Variants in PPP5C observed in about 807,000 individuals in gnomAD.
The protein encoded by PPP5C is serine/threonine-protein phosphatase 5.
A neutral mutation model predicts 66.7 loss-of-function variants in PPP5C; 21 were observed. The ratio of observed to expected loss-of-function variants is 0.31; its 90% confidence interval spans 0.22 to 0.45. The LOEUF is 0.45. PPP5C is among the 20% of genes least tolerant of loss of function. The pLI is 1.00. For missense variants in PPP5C, 464 were observed against 675.9 expected (o/e 0.69, Z 3.48); for synonymous variants, 246 against 257.4 (o/e 0.96, Z 0.43).
intron 2 of PPP5C, among the ~76,000 whole-genome samples, chr19:46,364,734 C>A (rs935163152): frequency 8.5e-5 from 13 of 152,066 alleles, no homozygotes; most frequent in African/African-American, 3.1e-4. Context: ...GGTCTCCATT[C>A]GATTTGTCTG....
Position 46,376,394 on chromosome 19 carries a change from C to A in PPP5C, c.512-59C>A. 1 of 1,593,520 alleles carries A rather than the reference C, an allele frequency of 6.3e-7. No individual in the cohort carries two copies. Among genetic ancestry groups the A allele is most frequent in the Non-Finnish European group, 8.6e-7 (1 of 1,166,926 alleles). On this transcript the variant is annotated intron_variant, in intron 3 of 12. Transcript: ENST00000012443. The surrounding 1 kb of genome is among the most constrained non-coding windows in gnomAD (Gnocchi z 5.1). The stretch of plus-strand genomic sequence containing the variant: ...TTCCCCATCCCTGGGAGCGAGACCC[C>A]CTTCTCCCTCATAGTGGCTGTGGTC...
chr19:46,357,852 C>A (rs1233765541), intron 2 of PPP5C, among the ~76,000 whole-genome samples: 3 of 152,234 alleles, frequency 2.0e-5, no homozygotes, highest in Non-Finnish European at 4.4e-5. Flanking sequence ...TTCAGAAGCT[C>A]CCTGGACCCA....
intron 1 of PPP5C, among the ~76,000 whole-genome samples, chr19:46,350,447 C>A (rs1035346502): frequency 6.6e-6 from 1 of 152,252 alleles, no homozygotes; most frequent in Admixed American, 6.5e-5. Flanking sequence ...TGTTGCCCCC[C>A]AGGACCTGGG....
At chr19:46,390,207 CA>C (rs113518159) in intron 12 of PPP5C, 75 bp downstream of exon 12, 1 of 1,607,228 alleles carries the variant, frequency 6.2e-7, no homozygotes, top group Admixed American at 1.7e-5. Flanking sequence ...TGGTAAGGGG[CA>C]GGGGTAGGTT....
In PPP5C at chr19:46,383,724, C is replaced by G. The variant is rs1372588207; in HGVS notation, c.700-56C>G. On this transcript the variant is annotated intron_variant, in intron 5 of 12. Transcript: ENST00000012443. This position sits in a 1 kb window ranked among gnomAD's most constrained non-coding sequence, Gnocchi z 5.0. Reference sequence around the variant, plus strand: ...TCTTACCCTTCCCCTCACCTCTGCCCCCTCCCCACGTCTCTCTCTCGGCCC... The same window carrying G: ...TCTTACCCTTCCCCTCACCTCTGCCGCCTCCCCACGTCTCTCTCTCGGCCC... The G allele has an allele frequency of 1.4e-6, 2 of 1,414,180 alleles. No homozygotes were observed. Among genetic ancestry groups the G allele is most frequent in the Non-Finnish European group, 2.0e-6 (2 of 999,902 alleles). The allele number at this position is 1,414,180 out of a possible 1,614,324, so 87.6% of individuals were successfully genotyped here.
chr19:46,360,438 G>A (rs1972363993), intron 2 of PPP5C, among the ~76,000 whole-genome samples: 1 of 151,736 alleles, frequency 6.6e-6, no homozygotes, highest in Non-Finnish European at 1.5e-5. Context: ...GTTAGTTCGA[G>A]GTCAAAAAGA....
Position 46,390,728 on chromosome 19 carries a change from G to C in PPP5C, c.*382G>C, listed in dbSNP as rs1973007112. On this transcript the variant is annotated 3_prime_UTR_variant, in exon 13 of 13. Transcript: ENST00000012443. The stretch of plus-strand genomic sequence containing the variant: ...AGACCCCCAGAGAGAGGGTCAGCAG[G>C]GGGGCCCCGCCTGCGCCTCCCCTCC... 1.7e-6 allele frequency: 2 copies of C among 1,146,012 alleles called. No individual in the cohort carries two copies. Among genetic ancestry groups the C allele is most frequent in the Non-Finnish European group, 2.2e-6 (2 of 921,924 alleles). The allele number at this position is 1,146,012 out of a possible 1,614,324, so 71.0% of individuals were successfully genotyped here.
At position 46,388,788 on chromosome 19, in the gene PPP5C, G is replaced by C. The variant is rs1972938039; in HGVS notation, c.1355+57G>C. 1 of 1,568,388 alleles carries C rather than the reference G, an allele frequency of 6.4e-7. No homozygotes were observed. The highest frequency in any genetic ancestry group is 8.7e-7 in the Non-Finnish European group (1 of 1,155,778). ...TACCAAGCCACGGGTTTTTGTCTTG[G>C]TTTTTGTTTTGCCTTTTTATGATGG... is the stretch of plus-strand genomic sequence containing the variant. On this transcript the variant is annotated intron_variant, in intron 11 of 12. Coordinates refer to ENST00000012443, the MANE Select transcript of PPP5C (RefSeq NM_006247.4). This position sits in a 1 kb window ranked among gnomAD's most constrained non-coding sequence, Gnocchi z 4.9.
At chr19:46,375,782 G>A (rs2147389531) in intron 3 of PPP5C, 31 bp downstream of exon 3, 1 of 1,557,022 alleles carries the variant, frequency 6.4e-7, no homozygotes, top group Non-Finnish European at 8.7e-7. Context: ...CCACGCTCCA[G>A]CCCAGAACAT....
At chr19:46,357,305 C>A (rs62136103) in intron 2 of PPP5C, among the ~76,000 whole-genome samples, 32,439 of 152,164 alleles carry the variant, frequency 0.21, 4,136 homozygotes, top group Non-Finnish European at 0.3. Flanking sequence ...ACCTTAGCCT[C>A]CCAAAGGGCT....
intron 9 of PPP5C, chr19:46,387,683 G>A (rs1188752535): frequency 1.9e-5 from 28 of 1,465,422 alleles, no homozygotes; most frequent in East Asian, 7.7e-5. Context: ...GGTGACCGCC[G>A]AGCACACCTG....
In PPP5C at chr19:46,388,526, CT is replaced by C; in HGVS notation, c.1177-26del. On this transcript the variant is annotated intron_variant, in intron 10 of 12. Transcript: ENST00000012443. The surrounding 1 kb of genome is among the most constrained non-coding windows in gnomAD (Gnocchi z 4.9). ...GGAGGCAGACAGTCACCCTGAACCC[CT>C]GTCTCTCCCTTCTGCCCACCCTCAG... The C allele has an allele frequency of 6.2e-7, 1 of 1,612,018 alleles. No homozygotes were observed. The highest frequency in any genetic ancestry group is 8.5e-7 in the Non-Finnish European group (1 of 1,178,484).
At chr19:46,366,777 G>A (rs964617457) in intron 2 of PPP5C, among the ~76,000 whole-genome samples, 2 of 152,154 alleles carry the variant, frequency 1.3e-5, no homozygotes, top group African/African-American at 2.4e-5. Context: ...TGTGAGTTAC[G>A]GTGTCTGTGG....
chr19:46,368,047 G>A (rs1601425924), intron 2 of PPP5C, among the ~76,000 whole-genome samples: 1 of 152,144 alleles, frequency 6.6e-6, no homozygotes, highest in East Asian at 1.9e-4. Flanking sequence ...ATTATGGTGG[G>A]AAAGGCTAAA....
Position 46,383,537 on chromosome 19 carries a change from G to T in PPP5C, c.699+61G>T. 1 of 1,481,632 alleles carries T rather than the reference G, an allele frequency of 6.7e-7. No individual in the cohort carries two copies. Among genetic ancestry groups the T allele is most frequent in the South Asian group, 1.3e-5 (1 of 79,812 alleles). 91.8% of individuals were successfully genotyped at this position (1,481,632 alleles called of 1,614,324 possible). On this transcript the variant is annotated intron_variant, in intron 5 of 12. Transcript: ENST00000012443. The surrounding 1 kb of genome is among the most constrained non-coding windows in gnomAD (Gnocchi z 5.0). ...GGGGTGGGCTCTCTGGCTGGGGAGG[G>T]GCCACAGAGCTCAGGAACTCACGGA...
At chr19:46,385,029 G>C (rs532741552) in intron 7 of PPP5C, 120 bp downstream of exon 7, 2 of 763,712 alleles carry the variant, frequency 2.6e-6, no homozygotes, top group African/African-American at 3.4e-5. Flanking sequence ...TGCACAGGGC[G>C]ACCTTTTAAG....
At chr19:46,349,684 A>G (rs1307719486) in intron 1 of PPP5C, among the ~76,000 whole-genome samples, 1 of 152,080 alleles carries the variant, frequency 6.6e-6, no homozygotes, top group South Asian at 2.1e-4. Flanking sequence ...CCTGGCTGCC[A>G]TGCAGAGACT....
At chr19:46,389,616 G>A (rs938191097) in intron 11 of PPP5C, among the ~76,000 whole-genome samples, 4 of 151,768 alleles carry the variant, frequency 2.6e-5, no homozygotes, top group African/African-American at 7.3e-5. Flanking sequence ...CTCCCCACCC[G>A]CATCATTTAT....
chr19:46,384,991 T>C (rs1266952086), intron 7 of PPP5C, 82 bp downstream of exon 7: 1 of 1,122,612 alleles, frequency 8.9e-7, no homozygotes, highest in Non-Finnish European at 1.3e-6. Flanking sequence ...TAGTTGCAGC[T>C]GTATTTATTT....
Sources: gnomAD v4.1 joint callset for allele counts (sites outside exome capture counted in the v4.1 genomes callset) on GRCh38, gnomAD v4.1.1 for gene constraint, Gnocchi (gnomAD v3.1) non-coding constraint, MANE v1.5 for transcripts, NCBI Gene and HGNC (gene_info 2026-07-23, HGNC 2026-07-21) for gene names.